Variants in SGMS1 observed in about 807,000 individuals in gnomAD.
SGMS1 encodes the protein phosphatidylcholine:ceramide cholinephosphotransferase 1.
A neutral mutation model predicts 46.2 loss-of-function variants in SGMS1; 13 were observed. That is an observed-to-expected ratio of 0.28 (90% CI 0.18 to 0.45). SGMS1 has a LOEUF of 0.45. Among genes scored for constraint, SGMS1 ranks in the 20% least tolerant of loss-of-function variants. The pLI, the probability that SGMS1 is intolerant of heterozygous loss-of-function variation, is 1.00. For synonymous variants in SGMS1, 203 were observed against 187.8 expected, an observed-to-expected ratio of 1.08 and a Z score of -0.66; for missense variants, 324 against 519.9, an observed-to-expected ratio of 0.62 and a Z score of 3.66.
At position 50,393,154 on chromosome 10, in the gene SGMS1, C is replaced by T. The variant is rs1848799847; in HGVS notation, c.-232+40322G>A. Among the ~76,000 whole-genome samples, 3 of 152,120 alleles carry T rather than the reference C, an allele frequency of 2.0e-5. No homozygotes were observed. The South Asian group carries it at 6.2e-4, about 32-fold the overall frequency. The stretch of plus-strand genomic sequence containing the variant: ...CACATACACCAACATTTACTGGGGC[C>T]ACCATCTTATTAATAATCTACCCAT... On this transcript the variant is annotated intron_variant, in intron 6 of 10. Coordinates refer to ENST00000361781, the MANE Select transcript of SGMS1 (RefSeq NM_147156.4).
intron 2 of SGMS1, among the ~76,000 whole-genome samples, chr10:50,543,308 A>C (rs1277953951): frequency 6.6e-6 from 1 of 152,262 alleles, no homozygotes; most frequent in East Asian, 1.9e-4. Context: ...GACATAAGGC[A>C]GGGCACTTTA....
intron 8 of SGMS1, among the ~76,000 whole-genome samples, chr10:50,319,145 A>C (rs1361587915): frequency 6.7e-6 from 1 of 148,686 alleles, no homozygotes; most frequent in African/African-American, 2.5e-5. Flanking sequence ...CCTGGTCAGG[A>C]AGTGAGATTT....
At chr10:50,447,382 A>G (rs548589341) in intron 5 of SGMS1, among the ~76,000 whole-genome samples, 2 of 152,150 alleles carry the variant, frequency 1.3e-5, no homozygotes, top group Non-Finnish European at 2.9e-5. Flanking sequence ...AGTATAAATA[A>G]GTGTTCTTGA....
intron 3 of SGMS1, among the ~76,000 whole-genome samples, chr10:50,502,926 A>G (rs913184269): frequency 1.3e-5 from 2 of 152,236 alleles, no homozygotes; most frequent in Non-Finnish European, 2.9e-5. Flanking sequence ...ACAGAAAGAA[A>G]GATACAGTTA....
At chr10:50,360,270 T>C (rs575811561) in intron 6 of SGMS1, among the ~76,000 whole-genome samples, 2 of 152,146 alleles carry the variant, frequency 1.3e-5, no homozygotes, top group African/African-American at 4.8e-5. Flanking sequence ...TCCAAGTGCA[T>C]AAAGCAACTC....
rs181739738 is a variant in SGMS1 at position 50,319,837 on chromosome 10, C to T, written c.741+7368G>A. 4.6e-5 allele frequency among the ~76,000 whole-genome samples: 7 copies of T among 152,252 alleles called. No homozygotes were observed. In the East Asian group the frequency reaches 1.2e-3, roughly 25 times the overall value. Reference sequence around the variant, plus strand: ...TTTCTCCACTAAATACATACCTTTGCCCCTTTATAATTAATAAGCAATCTG... The same window carrying T: ...TTTCTCCACTAAATACATACCTTTGTCCCTTTATAATTAATAAGCAATCTG... On this transcript the variant is annotated intron_variant, in intron 8 of 10. Transcript: ENST00000361781.
At chr10:50,617,449 T>C (rs1048303155) in intron 1 of SGMS1, among the ~76,000 whole-genome samples, 5 of 152,172 alleles carry the variant, frequency 3.3e-5, no homozygotes, top group Non-Finnish European at 7.4e-5. Flanking sequence ...AAGGGCAATT[T>C]TGGGGTGATG....
intron 2 of SGMS1, among the ~76,000 whole-genome samples, chr10:50,547,167 C>T (rs752017933): frequency 5.3e-5 from 8 of 152,048 alleles, no homozygotes; most frequent in Middle Eastern, 3.2e-3. Flanking sequence ...TTGAACCAAA[C>T]GTACAAATCA....
intron 1 of SGMS1, among the ~76,000 whole-genome samples, chr10:50,594,650 A>C (rs907477948): frequency 3.3e-5 from 5 of 152,252 alleles, no homozygotes; most frequent in Non-Finnish European, 7.3e-5. Context: ...AGTTTCTTAG[A>C]TGAAAATAGT....
intron 6 of SGMS1, among the ~76,000 whole-genome samples, chr10:50,355,508 C>A (rs577019526): frequency 6.6e-6 from 1 of 152,208 alleles, no homozygotes; most frequent in Non-Finnish European, 1.5e-5. Flanking sequence ...CTCCTGACTG[C>A]GAGTGATCTG....
intron 5 of SGMS1, among the ~76,000 whole-genome samples, chr10:50,455,733 A>C (rs1377811170): frequency 6.6e-6 from 1 of 152,244 alleles, no homozygotes; most frequent in Admixed American, 6.5e-5. Context: ...AAGATTTCAC[A>C]GACTGTCTGG....
rs536286403 is a variant in SGMS1 at position 50,462,089 on chromosome 10, T to G, written c.-454-1275A>C. 7.9e-5 allele frequency among the ~76,000 whole-genome samples: 12 copies of G among 152,008 alleles called. 1 individual carries two copies. In the South Asian group the frequency reaches 2.5e-3, roughly 32 times the overall value. On this transcript the variant is annotated intron_variant, in intron 4 of 10. Coordinates refer to ENST00000361781, the MANE Select transcript of SGMS1 (RefSeq NM_147156.4). ...CTAGCCTAGGCAACAAAACGAGACCTCATATCTACAAAAAGAAAAAAAAAT... is the reference window on the plus strand; with the variant it reads ...CTAGCCTAGGCAACAAAACGAGACCGCATATCTACAAAAAGAAAAAAAAAT...
intron 3 of SGMS1, among the ~76,000 whole-genome samples, chr10:50,497,993 C>T (rs1837629864): frequency 1.3e-5 from 2 of 152,150 alleles, no homozygotes; most frequent in Non-Finnish European, 2.9e-5. Flanking sequence ...AAAGCTGCTG[C>T]TAAAAACTCT....
intron 6 of SGMS1, among the ~76,000 whole-genome samples, chr10:50,362,032 T>C (rs1454997507): frequency 1.3e-5 from 2 of 152,208 alleles, no homozygotes; most frequent in East Asian, 3.8e-4. Flanking sequence ...CTTTGTCCTT[T>C]CATTTGCTTT....
At chr10:50,331,609 A>G (rs1847624888) in intron 7 of SGMS1, among the ~76,000 whole-genome samples, 1 of 152,100 alleles carries the variant, frequency 6.6e-6, no homozygotes, top group Non-Finnish European at 1.5e-5. Context: ...AATGTCATCC[A>G]TTTCTCAACA....
chr10:50,495,423 T>G (rs1161881670), intron 3 of SGMS1, among the ~76,000 whole-genome samples: 2 of 152,150 alleles, frequency 1.3e-5, no homozygotes, highest in Admixed American at 1.3e-4. Context: ...TTTTCACAAA[T>G]GCAAGCAGGA....
chr10:50,359,887 G>A (rs1328980730), intron 6 of SGMS1, among the ~76,000 whole-genome samples: 1 of 151,856 alleles, frequency 6.6e-6, no homozygotes, highest in Admixed American at 6.6e-5. Flanking sequence ...TATCCACAGG[G>A]AAAAAAGGGT....
intron 2 of SGMS1, among the ~76,000 whole-genome samples, chr10:50,574,985 A>ATATATATATATATATATATATATATAT (rs58462802): frequency 2.7e-4 from 39 of 143,004 alleles, no homozygotes; most frequent in Non-Finnish European, 4.0e-4. Context: ...ATATATATAT[A>ATATATATATATATATATATATATATAT]AAACAAAGTA....
At chr10:50,582,163 T>A (rs1838440892) in intron 2 of SGMS1, among the ~76,000 whole-genome samples, 1 of 152,190 alleles carries the variant, frequency 6.6e-6, no homozygotes. Flanking sequence ...CTGCATAGCT[T>A]GGGAGCGTAT....
Sources: gnomAD v4.1 joint callset for allele counts (sites outside exome capture counted in the v4.1 genomes callset) on GRCh38, gnomAD v4.1.1 for gene constraint, MANE v1.5 for transcripts, NCBI Gene and HGNC (gene_info 2026-07-23, HGNC 2026-07-21) for gene names.